The following FAM168B variants were observed in gnomAD, a reference collection of about 807,000 sequenced individuals.
FAM168B encodes the protein family with sequence similarity 168 member B.
Under a neutral mutation model 21.8 loss-of-function variants are expected in FAM168B, and 19 were observed. That is an observed-to-expected ratio of 0.87 (90% CI 0.61 to 1.28). The LOEUF (loss-of-function observed/expected upper bound fraction) is 1.28, where lower values mean the gene tolerates loss of function less well. Ranked by LOEUF, FAM168B falls within the 50% of genes most tolerant of loss-of-function variation. The pLI is 0.00. For synonymous variants in FAM168B, 126 were observed against 104.8 expected (o/e 1.20, Z -1.24); for missense variants, 233 against 263.1 (o/e 0.89, Z 0.79).
rs950365840 is a variant in FAM168B, at chr2:131,086,882, G to A, written c.-11-4225C>T. ...AGATCGAGACCATCCTGGCTAACAC[G>A]GTGAAACCCCGTCTCTACTAAAAAT... On this transcript the variant is annotated intron_variant, in intron 1 of 6. Coordinates refer to ENST00000389915, the MANE Select transcript of FAM168B (RefSeq NM_001009993.4). Among the ~76,000 whole-genome samples the A allele has an allele frequency of 1.1e-4, 14 of 126,540 alleles. 1 individual carries two copies. Among genetic ancestry groups the A allele is most frequent in the Non-Finnish European group, 1.7e-4 (11 of 65,500 alleles). The allele number at this position is 126,540 out of a possible 152,430, so 83.0% of individuals were successfully genotyped here. A position where few individuals can be genotyped will look rare whatever the true frequency, so the allele number is the denominator to read the frequency against.
At chr2:131,063,356 G>A (rs1413964223) in intron 3 of FAM168B, among the ~76,000 whole-genome samples, 1 of 152,114 alleles carries the variant, frequency 6.6e-6, no homozygotes, top group African/African-American at 2.4e-5. Flanking sequence ...ATGACTGTGA[G>A]GCTACGTTCT....
Position 131,048,725 on chromosome 2 carries a change from T to C in FAM168B, c.*3740A>G, listed in dbSNP as rs913283317. On this transcript the variant is annotated 3_prime_UTR_variant, in exon 7 of 7. Coordinates refer to ENST00000389915, the MANE Select transcript of FAM168B (RefSeq NM_001009993.4). Reference sequence around the variant, plus strand: ...GGAACACTCACAAATGCAGAGGTACTAGAGGGGAGAAATACGTGCTCTGCC... The same window carrying C: ...GGAACACTCACAAATGCAGAGGTACCAGAGGGGAGAAATACGTGCTCTGCC... 7 of 987,478 alleles carry C rather than the reference T, an allele frequency of 7.1e-6. No individual in the cohort carries two copies. Among genetic ancestry groups the C allele is most frequent in the Non-Finnish European group, 8.4e-6 (7 of 831,152 alleles). 61.2% of individuals were successfully genotyped at this position (987,478 alleles called of 1,614,324 possible).
At chr2:131,073,220 G>C (rs1021479844) in intron 2 of FAM168B, among the ~76,000 whole-genome samples, 53 of 151,932 alleles carry the variant, frequency 3.5e-4, no homozygotes, top group African/African-American at 1.2e-3. Flanking sequence ...AGTCTCCCTA[G>C]TAGCTGGGAC....
chr2:131,053,740 G>C (rs1459060646), intron 5 of FAM168B, among the ~76,000 whole-genome samples: 1 of 151,992 alleles, frequency 6.6e-6, no homozygotes, highest in African/African-American at 2.4e-5. Flanking sequence ...AGCCAGGTGT[G>C]GTAGCATACT....
intron 6 of FAM168B, 119 bp downstream of exon 6, chr2:131,052,761 ACTACATTGCCT>A: frequency 7.3e-7 from 1 of 1,376,706 alleles, no homozygotes; most frequent in Non-Finnish European, 9.7e-7. Context: ...AAATTTAAAC[ACTACATTGCCT>A]CTGGATCCAG....
At chr2:131,065,855 TATC>T (rs1264903296) in intron 3 of FAM168B, among the ~76,000 whole-genome samples, 5 of 150,228 alleles carry the variant, frequency 3.3e-5, no homozygotes, top group African/African-American at 1.2e-4. Flanking sequence ...CATTTTCACT[TATC>T]ATTAAATATT....
At chr2:131,082,048 T>C (rs1345806855) in intron 2 of FAM168B, among the ~76,000 whole-genome samples, 2 of 152,184 alleles carry the variant, frequency 1.3e-5, no homozygotes, top group Non-Finnish European at 1.5e-5. Context: ...TCAATATCCA[T>C]TTCGCTGCAA....
intron 3 of FAM168B, among the ~76,000 whole-genome samples, chr2:131,062,725 G>A (rs766046420): frequency 1.3e-5 from 2 of 152,164 alleles, no homozygotes; most frequent in Non-Finnish European, 2.9e-5. Flanking sequence ...TGGGATTACA[G>A]GTATGAGCCG....
At chr2:131,072,003 GC>G in intron 2 of FAM168B, 65 bp from the exon 3 acceptor site, 1 of 1,428,852 alleles carries the variant, frequency 7.0e-7, no homozygotes, top group Non-Finnish European at 9.8e-7. Context: ...TAGAGCTCCT[GC>G]AAAGCCATCG....
chr2:131,090,791 C>T (rs780094424), intron 1 of FAM168B, among the ~76,000 whole-genome samples: 43 of 152,228 alleles, frequency 2.8e-4, no homozygotes, highest in Admixed American at 8.5e-4. Context: ...GGCAGTGGCA[C>T]AATCTCGGCT....
rs1284082164 is a variant in FAM168B, at chr2:131,055,578, T to C, written c.272A>G (p.Tyr91Cys). 2 of 1,604,676 alleles carry C rather than the reference T, an allele frequency of 1.2e-6. No homozygotes were observed. The highest frequency in any genetic ancestry group is 1.7e-5 in the Admixed American group (1 of 58,502). ...CTGTGCATACGGGCTCTGCTGGGGGTAGGCACTTCGCACAGGGTACACGGC... is the reference window on the plus strand; with the variant it reads ...CTGTGCATACGGGCTCTGCTGGGGGCAGGCACTTCGCACAGGGTACACGGC... The part of the protein sequence containing the change: ...QTAVYPVRSA[Y>C]PQQSPYAQQG... The change falls in exon 4 of 7, where the codon TAC (tyrosine) becomes TGC (cysteine). Residue 91 changes from tyrosine to cysteine, a missense_variant. By Grantham distance (194) the Tyr-to-Cys change is radical. Transcript: ENST00000389915.
At chr2:131,056,046 A>G (rs1160966910) in intron 3 of FAM168B, among the ~76,000 whole-genome samples, 2 of 152,226 alleles carry the variant, frequency 1.3e-5, no homozygotes, top group African/African-American at 4.8e-5. Flanking sequence ...TCTAAAGTAT[A>G]TATGCCTTTT....
intron 3 of FAM168B, among the ~76,000 whole-genome samples, chr2:131,055,916 GA>G (rs916060009): frequency 7.9e-5 from 12 of 152,260 alleles, no homozygotes; most frequent in African/African-American, 2.6e-4. Context: ...TGGGGAGGAG[GA>G]AAAAATACCA....
chr2:131,054,575 G>C (rs929986955), intron 5 of FAM168B, among the ~76,000 whole-genome samples: 2 of 152,216 alleles, frequency 1.3e-5, no homozygotes, highest in African/African-American at 4.8e-5. Flanking sequence ...GAAAAACAAG[G>C]AGGGAACAGT....
intron 1 of FAM168B, among the ~76,000 whole-genome samples, chr2:131,088,248 GGGAAAAAAAAATCAAAT>G (rs1693816581): frequency 1.5e-5 from 2 of 129,696 alleles, no homozygotes; most frequent in Admixed American, 6.9e-5. Flanking sequence ...TCTGTCTGGG[GGGAAAAAAAAATCAAAT>G]GGAGCCTTTA....
chr2:131,074,175 C>A (rs970845442), intron 2 of FAM168B, among the ~76,000 whole-genome samples: 1 of 152,132 alleles, frequency 6.6e-6, no homozygotes, highest in African/African-American at 2.4e-5. Context: ...TGTTGCCAGG[C>A]TGGAGTGCAA....
intron 1 of FAM168B, among the ~76,000 whole-genome samples, chr2:131,087,697 A>C (rs569990873): frequency 6.6e-6 from 1 of 152,278 alleles, no homozygotes; most frequent in African/African-American, 2.4e-5. Flanking sequence ...GCCTGAGTGG[A>C]GATGTCCTCT....
At chr2:131,075,079 T>C (rs1407679544) in intron 2 of FAM168B, among the ~76,000 whole-genome samples, 2 of 152,020 alleles carry the variant, frequency 1.3e-5, no homozygotes, top group Non-Finnish European at 2.9e-5. Flanking sequence ...GAACAGAGTG[T>C]GGTGGACGTC....
chr2:131,093,056 G>A (rs1421246311), intron 1 of FAM168B, among the ~76,000 whole-genome samples, 158 bp downstream of exon 1: 1 of 151,184 alleles, frequency 6.6e-6, no homozygotes, highest in African/African-American at 2.4e-5. Context: ...CCCGGCCCCC[G>A]CCCGGCCTTG....
Sources: gnomAD v4.1 joint callset for allele counts (sites outside exome capture counted in the v4.1 genomes callset) on GRCh38, gnomAD v4.1.1 for gene constraint, MANE v1.5 for transcripts, NCBI Gene and HGNC (gene_info 2026-07-23, HGNC 2026-07-21) for gene names.